ITGA7: variants seen among roughly 807,000 people sequenced by gnomAD.
The protein encoded by ITGA7 is integrin subunit alpha 7.
In ITGA7, 84 loss-of-function variants were observed where a neutral mutation model predicts 131.6. That is an observed-to-expected ratio of 0.64 (90% confidence interval 0.54 to 0.77). The LOEUF is 0.77. Ranked by LOEUF, ITGA7 falls within the 30% of genes least tolerant of loss-of-function variation. The pLI, the probability that ITGA7 is intolerant of heterozygous loss-of-function variation, is 0.00. For missense variants in ITGA7, 1,399 were observed against 1,482.9 expected, an observed-to-expected ratio of 0.94 and a Z score of 0.93; for synonymous variants, 548 against 600.7, an observed-to-expected ratio of 0.91 and a Z score of 1.28.
At chr12:55,705,148 G>A (rs1874907635) in intron 1 of ITGA7, among the ~76,000 whole-genome samples, 1 of 151,972 alleles carries the variant, frequency 6.6e-6, no homozygotes, top group African/African-American at 2.4e-5. Flanking sequence ...GGAGGGGAGG[G>A]GCCCATGTGG....
At chr12:55,686,229 A>G in intron 24 of ITGA7, 1 of 1,350,618 alleles carries the variant, frequency 7.4e-7, no homozygotes, top group Non-Finnish European at 9.8e-7. Flanking sequence ...CCCAACTTCC[A>G]TGGCTGAAGG....
rs542304523 is a variant in ITGA7 at position 55,704,179 on chromosome 12, C to T, written c.207-1001G>A. On this transcript the variant is annotated intron_variant, in intron 1 of 24. Transcript: ENST00000257879. ...GAAGTGGCAGTGGGACAAACCTCAA[C>T]GCCTCTCTCCCACACTCTTCTCCTC... Among the ~76,000 whole-genome samples, 13 of 152,332 alleles carry T rather than the reference C, an allele frequency of 8.5e-5. No homozygotes were observed. The South Asian group carries it at 1.7e-3, about 19-fold the overall frequency.
intron 14 of ITGA7, 60 bp from the exon 15 acceptor site, chr12:55,695,030 C>T (rs1872335764): frequency 1.3e-6 from 2 of 1,526,796 alleles, no homozygotes; most frequent in East Asian, 2.3e-5. Context: ...CATTCCCCCG[C>T]CCAGTCTGCT....
At chr12:55,695,669 TAGGGGGCAAGGC>T in intron 13 of ITGA7, 32 bp from the exon 14 acceptor site, 1 of 1,520,726 alleles carries the variant, frequency 6.6e-7, no homozygotes, top group Non-Finnish European at 9.1e-7. Flanking sequence ...GGGGCATTCC[TAGGGGGCAAGGC>T]AGGGGGCAAA....
chr12:55,688,897 G>A lies in ITGA7; in HGVS notation c.2905C>T (p.Arg969Cys), dbSNP rs17857368. 3.6e-5 allele frequency: 58 copies of A among 1,613,894 alleles called. No individual in the cohort carries two copies. The highest frequency in any genetic ancestry group is 6.7e-5 in the Admixed American group (4 of 59,998). Residue 969 changes from arginine to cysteine, a missense_variant, in exon 22 of 25, where the codon CGC (arginine) becomes TGC (cysteine). Coordinates refer to ENST00000257879, the MANE Select transcript of ITGA7 (RefSeq NM_002206.3). ...CCCCAGACATGCAGCACAGCCGCGC[G>A]GTCAAAGCTGTAGAGTGGGCAGCTG... ...VFSCPLYSFD[R>C]AAVLHVWGRL...
In ITGA7 at chr12:55,687,919, T is replaced by G. The variant is rs1413723056; in HGVS notation, c.3183+52A>C. 70 of 1,612,466 alleles carry G rather than the reference T, an allele frequency of 4.3e-5. 1 individual carries two copies. The Admixed American group carries it at 1.2e-3, about 27-fold the overall frequency. ...GTGACAGAACCACAATACAAAATGC[T>G]GCTCACCCAACCAGGAAGTCCACCC... is the stretch of plus-strand genomic sequence containing the variant. On this transcript the variant is annotated intron_variant, in intron 24 of 24. Transcript: ENST00000257879.
intron 7 of ITGA7, 68 bp downstream of exon 7, chr12:55,698,315 C>T: frequency 7.0e-7 from 1 of 1,418,974 alleles, no homozygotes; most frequent in Non-Finnish European, 9.6e-7. Context: ...ACACCCTGAC[C>T]TCTGAGGGGC....
At position 55,695,721 on chromosome 12, in the gene ITGA7, G is replaced by A. The variant is rs978893753; in HGVS notation, c.1888-84C>T. ...TCACCATGGCATATGGTGGGTTAGA[G>A]TATCACAGGATTAAACAACCTGTCC... is the stretch of plus-strand genomic sequence containing the variant. On this transcript the variant is annotated intron_variant, in intron 13 of 24. Coordinates refer to ENST00000257879, the MANE Select transcript of ITGA7 (RefSeq NM_002206.3). 11 of 915,394 alleles carry A rather than the reference G, an allele frequency of 1.2e-5. No homozygotes were observed. In the Admixed American group the frequency reaches 1.6e-4, roughly 13 times the overall value. 56.7% of individuals were successfully genotyped at this position (915,394 alleles called of 1,614,324 possible).
intron 1 of ITGA7, among the ~76,000 whole-genome samples, chr12:55,704,971 T>G (rs1366464209): frequency 6.6e-6 from 1 of 152,232 alleles, no homozygotes; most frequent in Non-Finnish European, 1.5e-5. Flanking sequence ...TGTCTTTTCA[T>G]CTTTGTGCTT....
intron 5 of ITGA7, 96 bp from the exon 6 acceptor site, chr12:55,699,013 T>A: frequency 8.6e-7 from 1 of 1,163,288 alleles, no homozygotes; most frequent in Non-Finnish European, 1.2e-6. Context: ...TCCCTACAGG[T>A]TAAGAGCCAA....
At chr12:55,704,239 T>C (rs1015569765) in intron 1 of ITGA7, among the ~76,000 whole-genome samples, 1 of 152,104 alleles carries the variant, frequency 6.6e-6, no homozygotes, top group Non-Finnish European at 1.5e-5. Flanking sequence ...CCCAAAACCA[T>C]GTTAGGCAGT....
Position 55,695,702 on chromosome 12 carries a change from T to C in ITGA7, c.1888-65A>G, listed in dbSNP as rs571681157. 1.2e-4 allele frequency: 122 copies of C among 1,037,224 alleles called. 5 individuals carry two copies. The South Asian group carries it at 1.4e-3, about 12-fold the overall frequency. 64.3% of individuals were successfully genotyped at this position (1,037,224 alleles called of 1,614,324 possible). A position where few individuals can be genotyped will look rare whatever the true frequency, so the allele number is the denominator to read the frequency against. ...AAGGCAGGGGGCAAACCTGTCACCATGGCATATGGTGGGTTAGAGTATCAC... is the reference window on the plus strand; with the variant it reads ...AAGGCAGGGGGCAAACCTGTCACCACGGCATATGGTGGGTTAGAGTATCAC... On this transcript the variant is annotated intron_variant, in intron 13 of 24. Transcript: ENST00000257879.
At position 55,707,633 on chromosome 12, in the gene ITGA7, T is replaced by C. The variant is rs185164098; in HGVS notation, c.50A>G (p.Tyr17Cys). Reference protein sequence around the residue: ...RDPWGASGICYLFGSLLVELL... With the variant: ...RDPWGASGICCLFGSLLVELL... ...TTCGACGAGCAGGGAGCCAAAAAGG[T>C]AGCAAATCCCGGAGGCCCCCCAAGG... is the stretch of plus-strand genomic sequence containing the variant. The change falls in exon 1 of 25, where the codon TAC becomes TGC. Residue 17 changes from tyrosine to cysteine, a missense_variant. Coordinates refer to ENST00000257879, the MANE Select transcript of ITGA7 (RefSeq NM_002206.3). 2.5e-6 allele frequency: 4 copies of C among 1,606,354 alleles called. No homozygotes were observed. The highest frequency in any genetic ancestry group is 2.3e-5 in the East Asian group (1 of 44,442).
At chr12:55,712,805 T>C (rs1311855141), upstream of ITGA7, among the ~76,000 whole-genome samples, 1 of 152,084 alleles carries the variant, frequency 6.6e-6, no homozygotes, top group Non-Finnish European at 1.5e-5. Flanking sequence ...ATGGGGACAC[T>C]AGATACAGAT....
chr12:55,690,764 C>T (rs1252942582), intron 21 of ITGA7, among the ~76,000 whole-genome samples: 1 of 150,478 alleles, frequency 6.6e-6, no homozygotes, highest in Non-Finnish European at 1.5e-5. Flanking sequence ...AAATGTGGCA[C>T]ATATACACCA....
chr12:55,692,736 G>A, intron 21 of ITGA7, 108 bp downstream of exon 21: 10 of 1,400,316 alleles, frequency 7.1e-6, no homozygotes, highest in Non-Finnish European at 9.8e-6. Context: ...ATTGTGATGG[G>A]AACATCTGGT....
At chr12:55,710,347 AC>A (rs995162265), upstream of ITGA7, among the ~76,000 whole-genome samples, 2 of 146,416 alleles carry the variant, frequency 1.4e-5, no homozygotes, top group Non-Finnish European at 3.0e-5. Flanking sequence ...GGTGACAGAG[AC>A]TCCACATCAG....
chr12:55,702,719 G>A, intron 3 of ITGA7, 153 bp downstream of exon 3: 1 of 709,304 alleles, frequency 1.4e-6, no homozygotes, highest in Non-Finnish European at 2.5e-6. Context: ...CAAGGACCAT[G>A]TCTCACACCT....
At position 55,695,531 on chromosome 12, in the gene ITGA7, G is replaced by A. The variant is rs544984385; in HGVS notation, c.1994C>T (p.Pro665Leu). The A allele has an allele frequency of 3.1e-5, 50 of 1,609,360 alleles. 1 individual carries two copies. In the South Asian group the frequency reaches 4.4e-4, roughly 14 times the overall value. ...TCTCTGCCCCCCTCACATGGGCAGAGGTTGGAATTCCGTGTCGCTGACCCG... is the reference window on the plus strand; with the variant it reads ...TCTCTGCCCCCCTCACATGGGCAGAAGTTGGAATTCCGTGTCGCTGACCCG... ...CTRVSDTEFQ[P>L]LPMDVDGTTA... The change falls in exon 14 of 25, where the codon CCT (proline) becomes CTT (leucine). Residue 665 changes from proline (P) to leucine (L), a missense_variant. Physicochemically the swap from Pro to Leu is moderately conservative, Grantham distance 98 (BLOSUM62 -3). Coordinates refer to ENST00000257879, the MANE Select transcript of ITGA7 (RefSeq NM_002206.3).
Sources: allele counts gnomAD v4.1 joint callset (sites outside exome capture counted in the v4.1 genomes callset), GRCh38; gene constraint gnomAD v4.1.1; transcripts MANE v1.5; gene names NCBI Gene and HGNC (gene_info 2026-07-23, HGNC 2026-07-21).